ZBBX: variants seen among roughly 807,000 people sequenced by gnomAD.
ZBBX encodes the protein zinc finger B-box domain containing.
A neutral mutation model predicts 108.5 loss-of-function variants in ZBBX; 101 were observed. The ratio of observed to expected loss-of-function variants is 0.93; its 90% CI spans 0.79 to 1.10. The LOEUF (loss-of-function observed/expected upper bound fraction) is 1.10, where lower values mean the gene tolerates loss of function less well. Ranked by LOEUF, ZBBX falls within the 50% of genes least tolerant of loss-of-function variation. The pLI, the probability that ZBBX is intolerant of heterozygous loss-of-function variation, is 0.00. For synonymous variants in ZBBX, 356 were observed against 323.4 expected (o/e 1.10, Z -1.08); for missense variants, 1,009 against 941.4 (o/e 1.07, Z -0.94).
the ZBBX span, among the ~76,000 whole-genome samples, chr3:167,203,489 G>A: frequency 6.6e-6 from 1 of 152,058 alleles, no homozygotes; most frequent in Non-Finnish European, 1.5e-5. Context: ...GTGTACGTAT[G>A]CTAAGACAAA....
intron 4 of ZBBX, among the ~76,000 whole-genome samples, chr3:167,369,466 G>A (rs1380075090): frequency 1.3e-5 from 2 of 152,170 alleles, no homozygotes; most frequent in East Asian, 1.9e-4. Context: ...GGACACAATC[G>A]AGGAAGATAT....
At chr3:167,284,201 T>G (rs1729315933) in intron 19 of ZBBX, among the ~76,000 whole-genome samples, 1 of 150,412 alleles carries the variant, frequency 6.6e-6, no homozygotes, top group African/African-American at 2.4e-5. Flanking sequence ...TCTATATATA[T>G]ATATAATTAT....
At chr3:167,313,395 C>T (rs1195229275) in intron 16 of ZBBX, among the ~76,000 whole-genome samples, 2 of 152,072 alleles carry the variant, frequency 1.3e-5, no homozygotes, top group South Asian at 4.1e-4. Flanking sequence ...CCTGCCTCAG[C>T]CTTCTGAGTA....
chr3:167,256,719 G>A (rs936661622), intron 20 of ZBBX, among the ~76,000 whole-genome samples: 3 of 151,196 alleles, frequency 2.0e-5, no homozygotes, highest in Non-Finnish European at 4.4e-5. Context: ...GCAAGAACGT[G>A]CTATAATTGT....
intron 18 of ZBBX, among the ~76,000 whole-genome samples, chr3:167,296,791 C>G (rs1731760756): frequency 7.9e-6 from 1 of 126,522 alleles, no homozygotes; most frequent in Admixed American, 7.7e-5. Context: ...GGTAAGGTGC[C>G]AATGTTACCC....
At chr3:167,348,348 GAA>G (rs1428829618) in intron 9 of ZBBX, among the ~76,000 whole-genome samples, 3 of 106,112 alleles carry the variant, frequency 2.8e-5, no homozygotes, top group Non-Finnish European at 5.6e-5. Flanking sequence ...AAGAAAGAAA[GAA>G]AGAAAGAAAG....
At chr3:167,327,720 C>T (rs1035933807) in intron 11 of ZBBX, among the ~76,000 whole-genome samples, 36 of 151,956 alleles carry the variant, frequency 2.4e-4, no homozygotes, top group African/African-American at 7.7e-4. Flanking sequence ...TTGAGACCAG[C>T]CTGCCCAACA....
chr3:167,225,065 G>C, the ZBBX span, among the ~76,000 whole-genome samples: 1 of 151,810 alleles, frequency 6.6e-6, no homozygotes. Context: ...AGTGTGTGTT[G>C]ATATGGAATA....
chr3:167,366,841 C>T, intron 5 of ZBBX: 1 of 455,912 alleles, frequency 2.2e-6, no homozygotes, highest in Non-Finnish European at 4.4e-6. Flanking sequence ...TTTAGAAGTC[C>T]AAACTAAGTC....
At chr3:167,322,261 A>G in intron 11 of ZBBX, 24 bp from the exon 12 acceptor site, 1 of 1,424,058 alleles carries the variant, frequency 7.0e-7, no homozygotes, top group Non-Finnish European at 9.2e-7. Context: ...CACAATGTGC[A>G]TAATTAAAAT....
Position 167,389,817 on chromosome 3 carries a change from G to GTT in ZBBX, c.-445-9414_-445-9413dup, listed in dbSNP as rs35085003. On this transcript the variant is annotated intron_variant, in intron 1 of 21. Transcript: ENST00000455345. ...TCATATCCTTCACCCACTTTTTGATGTTTTTTTTTCTTGTAAATTTAAGTT... is the reference window on the plus strand; with the variant it reads ...TCATATCCTTCACCCACTTTTTGATGTTTTTTTTTTTCTTGTAAATTTAAGTT... 3.7e-4 allele frequency among the ~76,000 whole-genome samples: 55 copies of GTT among 150,620 alleles called. 1 individual carries two copies. Among genetic ancestry groups the GTT allele is most frequent in the African/African-American group, 9.7e-4 (40 of 41,150 alleles).
At position 167,368,455 on chromosome 3, in the gene ZBBX, A is replaced by G; in HGVS notation, c.182+6T>C. 2 of 1,549,256 alleles carry G rather than the reference A, an allele frequency of 1.3e-6. No individual in the cohort carries two copies. The highest frequency in any genetic ancestry group is 1.8e-6 in the Non-Finnish European group (2 of 1,122,202). ...TCATCTAAAATTCTCTAAGAGTTTC[A>G]CTCACTCTCTATCTTCCTTTTCTTT... On this transcript the variant is annotated splice_donor_region_variant and intron_variant, in intron 5 of 21. Transcript: ENST00000675490.
At chr3:167,227,073 A>G in the ZBBX span, among the ~76,000 whole-genome samples, 1 of 151,808 alleles carries the variant, frequency 6.6e-6, no homozygotes, top group East Asian at 1.9e-4. Flanking sequence ...GCAATCTCAG[A>G]AGCCAGCTTA....
intron 20 of ZBBX, among the ~76,000 whole-genome samples, chr3:167,279,147 C>T (rs1429847608): frequency 2.6e-5 from 4 of 151,898 alleles, no homozygotes; most frequent in African/African-American, 4.8e-5. Flanking sequence ...CAATATCATA[C>T]TGAATGGGCA....
chr3:167,279,628 C>A (rs943905715), intron 20 of ZBBX, among the ~76,000 whole-genome samples: 2 of 151,914 alleles, frequency 1.3e-5, no homozygotes, highest in African/African-American at 4.8e-5. Context: ...ACTTTCCATG[C>A]TCATGGGTAG....
chr3:167,256,424 T>C (rs1430720306), intron 20 of ZBBX, among the ~76,000 whole-genome samples: 1 of 152,128 alleles, frequency 6.6e-6, no homozygotes, highest in African/African-American at 2.4e-5. Context: ...GGAGTATCCA[T>C]CCCTTCAAGC....
At chr3:167,328,582 C>T (rs1040380223) in intron 10 of ZBBX, among the ~76,000 whole-genome samples, 3 of 152,058 alleles carry the variant, frequency 2.0e-5, no homozygotes, top group Admixed American at 6.6e-5. Context: ...AGGACCTACA[C>T]CGCCCTACAC....
rs1259457136 is a variant in ZBBX, at chr3:167,324,042, T to C, written c.863-1805A>G. ...TGGTCAAGAAATATGTGAAAAGATGTTTCATGTCATTTGTAATAAGAGATA... is the reference window on the plus strand; with the variant it reads ...TGGTCAAGAAATATGTGAAAAGATGCTTCATGTCATTTGTAATAAGAGATA... On this transcript the variant is annotated intron_variant, in intron 11 of 21. Coordinates refer to ENST00000675490, the MANE Select transcript of ZBBX (RefSeq NM_001199201.2). Among the ~76,000 whole-genome samples, 5 of 152,234 alleles carry C rather than the reference T, an allele frequency of 3.3e-5. No homozygotes were observed. In the East Asian group the frequency reaches 9.6e-4, roughly 29 times the overall value.
At chr3:167,248,126 A>C (rs1300320462) in intron 20 of ZBBX, among the ~76,000 whole-genome samples, 1 of 152,160 alleles carries the variant, frequency 6.6e-6, no homozygotes, top group African/African-American at 2.4e-5. Context: ...AGCCACAGAC[A>C]CACACAGCTC....
Sources: gnomAD v4.1 joint callset for allele counts (sites outside exome capture counted in the v4.1 genomes callset) on GRCh38, gnomAD v4.1.1 for gene constraint, MANE v1.5 for transcripts, NCBI Gene and HGNC (gene_info 2026-07-23, HGNC 2026-07-21) for gene names.